NLRP14: variants seen among roughly 807,000 people sequenced by gnomAD.
The protein encoded by NLRP14 is NLR family pyrin domain containing 14, also known as NACHT, LRR and PYD domains-containing protein 14.
A neutral mutation model predicts 94.7 loss-of-function variants in NLRP14; 105 were observed. The ratio of observed to expected loss-of-function variants is 1.11; its 90% CI spans 0.95 to 1.30. The LOEUF is 1.30. Ranked by LOEUF, NLRP14 falls within the 50% of genes most tolerant of loss-of-function variation. The pLI, the probability that NLRP14 is intolerant of heterozygous loss-of-function variation, is 0.00. For missense variants in NLRP14, 1,362 were observed against 1,254.1 expected (o/e 1.09, Z -1.30); for synonymous variants, 508 against 459.9 (o/e 1.10, Z -1.34).
At chr11:7,023,504 A>G (rs2119541279) in intron 1 of NLRP14, among the ~76,000 whole-genome samples, 1 of 134,470 alleles carries the variant, frequency 7.4e-6, no homozygotes, top group Admixed American at 8.2e-5. Context: ...ATATATAAAA[A>G]TTTATGTATT....
At chr11:7,073,479 A>C (rs1208234113), downstream of NLRP14, among the ~76,000 whole-genome samples, 1 of 152,144 alleles carries the variant, frequency 6.6e-6, no homozygotes, top group Non-Finnish European at 1.5e-5. Context: ...ATTCAATTCT[A>C]TTCTGATATT....
At chr11:7,078,306 C>T in the NLRP14 span, among the ~76,000 whole-genome samples, 2,043 of 150,784 alleles carry the variant, frequency 0.014, 52 homozygotes, top group African/African-American at 0.047. Flanking sequence ...GGCATGATGG[C>T]GGGCACCTGT....
chr11:7,039,660 G>T, intron 2 of NLRP14, 54 bp from the exon 3 acceptor site: 2 of 1,396,362 alleles, frequency 1.4e-6, no homozygotes, highest in South Asian at 2.3e-5. Flanking sequence ...TAGCCATCAT[G>T]AAAGCTCACT....
At position 7,039,778 on chromosome 11, in the gene NLRP14, A is replaced by G. The variant is rs1852219652; in HGVS notation, c.354A>G (p.Ala118=). 1.9e-6 allele frequency: 3 copies of G among 1,613,256 alleles called. 1 individual carries two copies. The highest frequency in any genetic ancestry group is 3.3e-5 in the Admixed American group (2 of 60,000). ...KAGETQEDQE[A]VLGDGTEYRN... is the part of the protein sequence containing the mutation. ...GAGAGACACAAGAAGATCAGGAGGC[A>G]GTGCTGGGTGAGTAGTTAGGCCTTT... is the stretch of plus-strand genomic sequence containing the variant. Residue 118 remains alanine (A), a synonymous_variant, in exon 3 of 12, where the codon GCA becomes GCG. Coordinates refer to ENST00000299481, the MANE Select transcript of NLRP14 (RefSeq NM_176822.4).
intron 10 of NLRP14, among the ~76,000 whole-genome samples, chr11:7,066,553 G>A (rs549375851): frequency 6.6e-6 from 1 of 152,022 alleles, no homozygotes; most frequent in Non-Finnish European, 1.5e-5. Flanking sequence ...TTTTGATGGG[G>A]TTGTTTTTTT....
At chr11:7,073,732 GAT>G (rs1336016980), downstream of NLRP14, among the ~76,000 whole-genome samples, 1 of 152,192 alleles carries the variant, frequency 6.6e-6, no homozygotes, top group African/African-American at 2.4e-5. Flanking sequence ...TATTTCAAAT[GAT>G]ACAAATGAAC....
At chr11:7,083,124 G>T in the NLRP14 span, among the ~76,000 whole-genome samples, 57 of 152,294 alleles carry the variant, frequency 3.7e-4, no homozygotes, top group African/African-American at 1.1e-3. Flanking sequence ...AGTCATACCA[G>T]CATCTTCTCC....
At chr11:7,071,061 C>G in intron 11 of NLRP14, 112 bp from the exon 12 acceptor site, 1 of 1,197,376 alleles carries the variant, frequency 8.4e-7, no homozygotes, top group Non-Finnish European at 1.2e-6. Context: ...AATATTATCT[C>G]TCTATTTTAA....
intron 8 of NLRP14, 53 bp downstream of exon 8, chr11:7,058,503 G>C: frequency 7.7e-7 from 1 of 1,294,528 alleles, no homozygotes; most frequent in Admixed American, 1.7e-5. Context: ...TTTGAAATAT[G>C]TTTAAAATAG....
chr11:7,070,164 T>C, intron 10 of NLRP14, 122 bp from the exon 11 acceptor site: 1 of 720,528 alleles, frequency 1.4e-6, no homozygotes, highest in Non-Finnish European at 2.5e-6. Flanking sequence ...GAATTTATAC[T>C]AACTGTGCTC....
rs141435433 is a variant in NLRP14, at chr11:7,042,386, A to C, written c.362-2A>C. On this transcript the variant is annotated splice_acceptor_variant, in intron 3 of 11. Transcript: ENST00000299481. LOFTEE classifies it high-confidence loss of function. ...TTTTTTACCTTTGCCATTCTGACTT[A>C]GGTGATGGAACAGAATACAGAAATA... The C allele has an allele frequency of 4.3e-4, 687 of 1,612,610 alleles. 2 individuals carry two copies. In the African/African-American group the frequency reaches 8.1e-3, roughly 19 times the overall value.
rs146182867 is a variant in NLRP14 at position 7,052,498 on chromosome 11, T to G, written c.2291+2660T>G. Among the ~76,000 whole-genome samples, 476 of 152,134 alleles carry G rather than the reference T, an allele frequency of 3.1e-3. 1 individual carries two copies. Among genetic ancestry groups the G allele is most frequent in the African/African-American group, 9.2e-3 (382 of 41,496 alleles). On this transcript the variant is annotated intron_variant, in intron 6 of 11. Transcript: ENST00000299481. ...AAATACAAAAACTAACTGGGCATGG[T>G]GATGCGCACCTGTAATCCCAGCTAC...
At chr11:7,053,433 A>G (rs1852470932) in intron 6 of NLRP14, among the ~76,000 whole-genome samples, 1 of 148,960 alleles carries the variant, frequency 6.7e-6, no homozygotes, top group South Asian at 2.1e-4. Flanking sequence ...CTCATCATTT[A>G]GTTAACTCAT....
chr11:7,059,995 T>C lies in NLRP14; in HGVS notation c.2735T>C (p.Leu912Pro), dbSNP rs758363361. The C allele has an allele frequency of 1.2e-6, 2 of 1,612,860 alleles. No homozygotes were observed. Among genetic ancestry groups the C allele is most frequent in the Admixed American group, 1.7e-5 (1 of 59,936 alleles). The change falls in exon 9 of 12, where the codon CTA becomes CCA. Residue 912 changes from leucine (L) to proline (P), a missense_variant. Transcript: ENST00000299481. ...CATCTGGATCTAGGATCAAACTGGC[T>C]ACAAGACAATGGAGTGAAGCTTCTG... The part of the protein sequence containing the change: ...LTHLDLGSNW[L>P]QDNGVKLLCD...
At chr11:7,055,021 T>A (rs1023788945) in intron 6 of NLRP14, among the ~76,000 whole-genome samples, 1 of 152,228 alleles carries the variant, frequency 6.6e-6, no homozygotes, top group African/African-American at 2.4e-5. Context: ...CTTTTACATA[T>A]GAATATCCAG....
the NLRP14 span, chr11:7,089,137 G>A: frequency 5.0e-6 from 8 of 1,613,742 alleles, no homozygotes; most frequent in Non-Finnish European, 6.8e-6. Context: ...GAAGCGGATC[G>A]CCCGGGGAAG....
chr11:7,033,646 C>T (rs189391677), intron 1 of NLRP14, among the ~76,000 whole-genome samples: 1 of 152,248 alleles, frequency 6.6e-6, no homozygotes. Context: ...GTCTATTTGC[C>T]ATATTCCCTG....
intron 10 of NLRP14, among the ~76,000 whole-genome samples, chr11:7,068,943 T>C (rs1053685590): frequency 6.6e-6 from 1 of 152,222 alleles, no homozygotes; most frequent in African/African-American, 2.4e-5. Flanking sequence ...TGCCAGCTAC[T>C]GTGCCTGGGC....
At chr11:7,071,028 TC>T in intron 11 of NLRP14, 144 bp from the exon 12 acceptor site, 1 of 822,342 alleles carries the variant, frequency 1.2e-6, no homozygotes, top group Non-Finnish European at 2.0e-6. Context: ...TCAGTTCGCT[TC>T]CCCACTCCTC....
Sources: allele counts gnomAD v4.1 joint callset (sites outside exome capture counted in the v4.1 genomes callset), GRCh38; gene constraint gnomAD v4.1.1; transcripts MANE v1.5; gene names NCBI Gene and HGNC (gene_info 2026-07-23, HGNC 2026-07-21).